The following PPP3CA variants were observed in gnomAD, a reference collection of about 807,000 sequenced individuals.
The protein encoded by PPP3CA is protein phosphatase 3 catalytic subunit alpha, also known as CAM-PRP catalytic subunit.
Under a neutral mutation model 66.5 loss-of-function variants are expected in PPP3CA, and 14 were observed. The ratio of observed to expected loss-of-function variants is 0.21; its 90% CI spans 0.14 to 0.33. PPP3CA has a LOEUF of 0.33. Ranked by LOEUF, PPP3CA falls within the 10% of genes least tolerant of loss-of-function variation. The probability of loss-of-function intolerance (pLI) is 1.00; values close to 1 mark genes in which losing one functional copy is unlikely to be tolerated. For missense variants in PPP3CA, 317 were observed against 639.5 expected (o/e 0.50, Z 5.44); for synonymous variants, 232 against 226.2 (o/e 1.03, Z -0.23).
intron 1 of PPP3CA, among the ~76,000 whole-genome samples, chr4:101,297,667 C>A (rs1178841780): frequency 6.6e-6 from 1 of 152,262 alleles, no homozygotes; most frequent in South Asian, 2.1e-4. Context: ...ATATAACCTA[C>A]CATGACAGAG....
At chr4:101,081,716 A>C (rs962377035) in intron 7 of PPP3CA, among the ~76,000 whole-genome samples, 4 of 152,192 alleles carry the variant, frequency 2.6e-5, no homozygotes, top group African/African-American at 7.2e-5. Flanking sequence ...AACATTTATA[A>C]TTTTAAAAAC....
chr4:101,177,253 A>G (rs1724091518), intron 2 of PPP3CA, among the ~76,000 whole-genome samples: 1 of 152,172 alleles, frequency 6.6e-6, no homozygotes, highest in Non-Finnish European at 1.5e-5. Flanking sequence ...GCAGGAGGAA[A>G]CCCTGATTAG....
At chr4:101,179,897 C>CAA (rs1325128670) in intron 2 of PPP3CA, among the ~76,000 whole-genome samples, 1 of 152,112 alleles carries the variant, frequency 6.6e-6, no homozygotes, top group South Asian at 2.1e-4. Flanking sequence ...AAGAATCACT[C>CAA]AGGTCTACAT....
intron 1 of PPP3CA, among the ~76,000 whole-genome samples, chr4:101,265,758 A>G (rs1043637081): frequency 2.0e-5 from 3 of 152,214 alleles, no homozygotes; most frequent in African/African-American, 7.2e-5. Flanking sequence ...CAAAACAAAC[A>G]TAACTCATTT....
In PPP3CA at chr4:101,072,911, G is replaced by A. The variant is rs147954242; in HGVS notation, c.955+7621C>T. 5.4e-3 allele frequency among the ~76,000 whole-genome samples: 806 copies of A among 148,452 alleles called. 2 individuals are homozygous for A. Among genetic ancestry groups the A allele is most frequent in the Non-Finnish European group, 8.7e-3 (587 of 67,180 alleles). Reference sequence around the variant, plus strand: ...AGATTGAGCCACTGCACTCTAGCCTGGGGGACAGAGTGAGACTCCTTCTCA... The same window carrying A: ...AGATTGAGCCACTGCACTCTAGCCTAGGGGACAGAGTGAGACTCCTTCTCA... On this transcript the variant is annotated intron_variant, in intron 8 of 13. Coordinates refer to ENST00000394854, the MANE Select transcript of PPP3CA (RefSeq NM_000944.5).
chr4:101,138,464 A>T (rs1404243384), intron 2 of PPP3CA, among the ~76,000 whole-genome samples: 2 of 152,212 alleles, frequency 1.3e-5, no homozygotes, highest in Non-Finnish European at 2.9e-5. Flanking sequence ...TTACAGGTCA[A>T]TTATCTCTTA....
chr4:101,092,141 G>A (rs1232259289), intron 6 of PPP3CA, among the ~76,000 whole-genome samples: 2 of 151,900 alleles, frequency 1.3e-5, no homozygotes, highest in Non-Finnish European at 1.5e-5. Context: ...GTCATGTAAT[G>A]GGTAAATCTC....
intron 11 of PPP3CA, among the ~76,000 whole-genome samples, chr4:101,034,712 TAAAAA>T (rs1191040536): frequency 1.3e-5 from 2 of 152,218 alleles, no homozygotes; most frequent in African/African-American, 4.8e-5. Flanking sequence ...AAAGTTTACT[TAAAAA>T]TAATAGGTTT....
chr4:101,316,655 C>A (rs1007998191), intron 1 of PPP3CA, among the ~76,000 whole-genome samples: 3 of 152,090 alleles, frequency 2.0e-5, no homozygotes, highest in African/African-American at 7.2e-5. Flanking sequence ...AATAGAGAAT[C>A]CAGAAGAAAA....
chr4:101,063,175 C>T, intron 9 of PPP3CA, 57 bp downstream of exon 9: 1 of 1,571,466 alleles, frequency 6.4e-7, no homozygotes, highest in Admixed American at 1.8e-5. Context: ...TGTTTAATCT[C>T]CTTTCCTTCC....
In PPP3CA at chr4:101,158,431, G is replaced by A. The variant is rs201706768; in HGVS notation, c.259+37485C>T. 1.1e-4 allele frequency: 16 copies of A among 152,368 alleles called. No homozygotes were observed. In the East Asian group the frequency reaches 2.9e-3, roughly 28 times the overall value. The allele number at this position is 152,368 out of a possible 1,614,324, so 9.4% of individuals were successfully genotyped here. A position where few individuals can be genotyped will look rare whatever the true frequency, so the allele number is the denominator to read the frequency against. On this transcript the variant is annotated intron_variant, in intron 2 of 13. Coordinates refer to ENST00000394854, the MANE Select transcript of PPP3CA (RefSeq NM_000944.5). ...GAACATTTTAAAAGGCAGTACTTAA[G>A]AAGGGAGCAACTGTTTTTCCTTTTT...
intron 2 of PPP3CA, among the ~76,000 whole-genome samples, chr4:101,124,790 A>AGAAG (rs1722190924): frequency 7.9e-6 from 1 of 126,402 alleles, no homozygotes; most frequent in East Asian, 2.3e-4. Context: ...AAAGAAAGAA[A>AGAAG]GAAAGAAAGA....
chr4:101,105,722 A>T (rs2110259508), intron 3 of PPP3CA, among the ~76,000 whole-genome samples: 1 of 152,336 alleles, frequency 6.6e-6, no homozygotes, highest in Non-Finnish European at 1.5e-5. Flanking sequence ...ATCGTACTTT[A>T]TTATAAAATT....
rs138289553 is a variant in PPP3CA, at chr4:101,203,303, T to C, written c.59-7187A>G. ...CGAGGTCAAGAGATCGAGACCATCC[T>C]GGCCAATATGGTAAAACCCTGTCTC... On this transcript the variant is annotated intron_variant, in intron 1 of 13. Transcript: ENST00000394854. 5.3e-3 allele frequency among the ~76,000 whole-genome samples: 807 copies of C among 152,310 alleles called. 8 individuals are homozygous for C. The highest frequency in any genetic ancestry group is 0.018 in the African/African-American group (744 of 41,568).
At chr4:101,157,292 T>C (rs948453724) in intron 2 of PPP3CA, among the ~76,000 whole-genome samples, 2 of 152,218 alleles carry the variant, frequency 1.3e-5, no homozygotes, top group East Asian at 1.9e-4. Context: ...GTAATGACAG[T>C]AGTGATTTAA....
intron 2 of PPP3CA, among the ~76,000 whole-genome samples, chr4:101,188,187 A>G (rs1015581964): frequency 2.0e-5 from 3 of 152,134 alleles, no homozygotes; most frequent in Non-Finnish European, 4.4e-5. Flanking sequence ...TCCAGAGAAA[A>G]CTAACAATAA....
intron 2 of PPP3CA, among the ~76,000 whole-genome samples, chr4:101,194,857 G>A (rs1027510950): frequency 9.2e-5 from 14 of 151,724 alleles, no homozygotes; most frequent in African/African-American, 2.9e-4. Context: ...GTTAGCCACC[G>A]CGTCCAGCCC....
intron 11 of PPP3CA, among the ~76,000 whole-genome samples, chr4:101,039,807 C>T (rs1342594794): frequency 2.1e-5 from 3 of 144,398 alleles, no homozygotes; most frequent in African/African-American, 7.5e-5. Flanking sequence ...CCTATTTACT[C>T]GCTAATATGT....
At chr4:101,097,104 G>C (rs1284168538) in intron 5 of PPP3CA, among the ~76,000 whole-genome samples, 1 of 152,066 alleles carries the variant, frequency 6.6e-6, no homozygotes, top group African/African-American at 2.4e-5. Context: ...TGTACACCTT[G>C]AGATTAGTGC....
Sources: gnomAD v4.1 joint callset for allele counts (sites outside exome capture counted in the v4.1 genomes callset) on GRCh38, gnomAD v4.1.1 for gene constraint, MANE v1.5 for transcripts, NCBI Gene and HGNC (gene_info 2026-07-23, HGNC 2026-07-21) for gene names.